The following NTRK3 variants were observed in gnomAD, a reference collection of about 807,000 sequenced individuals.
NTRK3 encodes neurotrophic receptor tyrosine kinase 3.
A neutral mutation model predicts 91.7 loss-of-function variants in NTRK3; 24 were observed. The ratio of observed to expected loss-of-function variants is 0.26; its 90% CI spans 0.19 to 0.37. The LOEUF (loss-of-function observed/expected upper bound fraction) is 0.37. NTRK3 is among the 10% of genes least tolerant of loss of function. NTRK3 has a pLI of 1.00. For synonymous variants in NTRK3, 483 were observed against 404.0 expected, an observed-to-expected ratio of 1.20 and a Z score of -2.34; for missense variants, 880 against 1,068.9, an observed-to-expected ratio of 0.82 and a Z score of 2.46.
intron 5 of NTRK3, among the ~76,000 whole-genome samples, chr15:88,177,028 G>T (rs1473203566): frequency 6.6e-6 from 1 of 152,184 alleles, no homozygotes; most frequent in Non-Finnish European, 1.5e-5. Flanking sequence ...CAGGGTATCT[G>T]TTTGGGTCAG....
chr15:88,116,202 C>T (rs912740721), intron 13 of NTRK3, among the ~76,000 whole-genome samples: 2 of 152,062 alleles, frequency 1.3e-5, no homozygotes, highest in Admixed American at 6.6e-5. Context: ...AGTTTGGTTT[C>T]GAACCAAGGA....
chr15:87,879,875 C>T (rs1445031456), intron 18 of NTRK3, among the ~76,000 whole-genome samples: 4 of 152,164 alleles, frequency 2.6e-5, no homozygotes, highest in Admixed American at 2.0e-4. Context: ...CTGGGCTTGG[C>T]ATACCTAAAA....
chr15:88,129,052 C>T (rs557602270), intron 10 of NTRK3, among the ~76,000 whole-genome samples: 7 of 152,314 alleles, frequency 4.6e-5, no homozygotes. Context: ...GTCTCATTCA[C>T]AGCTCTGCTT....
At chr15:88,092,185 C>T (rs1312985841) in intron 13 of NTRK3, among the ~76,000 whole-genome samples, 1 of 152,166 alleles carries the variant, frequency 6.6e-6, no homozygotes, top group Non-Finnish European at 1.5e-5. Context: ...TGGCAACTCC[C>T]CCAGCAATCA....
chr15:88,203,944 A>G (rs567861752), intron 3 of NTRK3, among the ~76,000 whole-genome samples: 230 of 150,650 alleles, frequency 1.5e-3, no homozygotes, highest in Non-Finnish European at 2.6e-3. Flanking sequence ...TACATATGCC[A>G]TGGTGGTTTG....
rs141586520 is a variant in NTRK3 at position 88,233,792 on chromosome 15, T to TC, written c.248+22113dup. Among the ~76,000 whole-genome samples the TC allele has an allele frequency of 5.3e-3, 796 of 151,116 alleles. 10 individuals are homozygous for TC. Among genetic ancestry groups the TC allele is most frequent in the African/African-American group, 0.018 (730 of 40,866 alleles). Reference sequence around the variant, plus strand: ...CTCCTCCTCCCCTGACATCCAGTGCTCCCCCTCCCTGCCTTGTCCAAGAGA... The same window carrying TC: ...CTCCTCCTCCCCTGACATCCAGTGCTCCCCCCTCCCTGCCTTGTCCAAGAGA... On this transcript the variant is annotated intron_variant, in intron 3 of 18. Transcript: ENST00000394480. This position sits in a 1 kb window ranked among gnomAD's most constrained non-coding sequence, Gnocchi z 4.2.
chr15:88,183,520 G>T (rs747817745), intron 4 of NTRK3, 31 bp from the exon 5 acceptor site: 1 of 1,600,364 alleles, frequency 6.2e-7, no homozygotes, highest in Non-Finnish European at 8.6e-7. Context: ...GATCAGCAGA[G>T]CTCAAGTGGC....
Position 87,886,707 on chromosome 15 carries a change from T to TAC in NTRK3, c.2134-6281_2134-6280dup, listed in dbSNP as rs1199661735. ...ATATATATATATATATATACATATA[T>TAC]ACACACACACACATACACACACACA... On this transcript the variant is annotated intron_variant, in intron 17 of 18. Coordinates refer to ENST00000394480, the Ensembl canonical transcript of NTRK3. Among the ~76,000 whole-genome samples the TAC allele has an allele frequency of 1.5e-3, 216 of 140,192 alleles. 1 individual carries two copies. Among genetic ancestry groups the TAC allele is most frequent in the African/African-American group, 5.4e-3 (201 of 37,568 alleles). 92.0% of individuals were successfully genotyped at this position (140,192 alleles called of 152,430 possible).
chr15:87,931,809 C>A (rs545223636), intron 16 of NTRK3, among the ~76,000 whole-genome samples: 1 of 152,316 alleles, frequency 6.6e-6, no homozygotes, highest in Admixed American at 6.5e-5. Flanking sequence ...ACCACGACAC[C>A]CTATTGAATG....
In NTRK3 at chr15:88,233,207, G is replaced by A. The variant is rs966686816; in HGVS notation, c.248+22699C>T. Among the ~76,000 whole-genome samples, 10 of 152,168 alleles carry A rather than the reference G, an allele frequency of 6.6e-5. No homozygotes were observed. The highest frequency in any genetic ancestry group is 2.6e-4 in the Admixed American group (4 of 15,288). ...TAAGCAAAAAGAAAAAATTAAAACC[G>A]TAGAGCACATTGCCAATAAATAACC... On this transcript the variant is annotated intron_variant, in intron 3 of 18. Coordinates refer to ENST00000394480, the Ensembl canonical transcript of NTRK3. This position sits in a 1 kb window ranked among gnomAD's most constrained non-coding sequence, Gnocchi z 4.2.
At chr15:88,015,254 G>A (rs1017214659) in intron 14 of NTRK3, among the ~76,000 whole-genome samples, 3 of 152,162 alleles carry the variant, frequency 2.0e-5, no homozygotes, top group Non-Finnish European at 4.4e-5. Flanking sequence ...ACAAAGGCCT[G>A]GACTATGTAA....
At chr15:88,198,867 C>G (rs2048054173) in intron 3 of NTRK3, among the ~76,000 whole-genome samples, 1 of 152,150 alleles carries the variant, frequency 6.6e-6, no homozygotes, top group Admixed American at 6.5e-5. Flanking sequence ...AGGAGAGATG[C>G]TGACTGACAC....
chr15:87,921,720 C>A (rs1469613138), intron 17 of NTRK3, among the ~76,000 whole-genome samples: 1 of 152,070 alleles, frequency 6.6e-6, no homozygotes, highest in Non-Finnish European at 1.5e-5. Flanking sequence ...GCGCATGGGG[C>A]CACAACCCCT....
At chr15:88,002,394 G>C (rs1480181643) in intron 14 of NTRK3, among the ~76,000 whole-genome samples, 3 of 152,074 alleles carry the variant, frequency 2.0e-5, no homozygotes, top group South Asian at 4.2e-4. Flanking sequence ...AGGAAATGGT[G>C]AATCTGTGAT....
chr15:87,919,429 A>G (rs913717922), intron 17 of NTRK3, among the ~76,000 whole-genome samples: 1 of 152,150 alleles, frequency 6.6e-6, no homozygotes, highest in Non-Finnish European at 1.5e-5. Flanking sequence ...TGCCCTCTCC[A>G]CGTCATCTTC....
chr15:88,166,979 C>T (rs908768952), intron 5 of NTRK3, among the ~76,000 whole-genome samples: 10 of 152,112 alleles, frequency 6.6e-5, no homozygotes, highest in African/African-American at 1.9e-4. Context: ...TCCCCTCTTC[C>T]TATATAATAC....
intron 3 of NTRK3, among the ~76,000 whole-genome samples, chr15:88,216,539 G>C (rs912998092): frequency 2.6e-5 from 4 of 152,190 alleles, no homozygotes; most frequent in Admixed American, 6.5e-5. Context: ...AATTAGCAGT[G>C]AGACCATCCC....
chr15:88,072,085 A>T (rs1285840404), intron 13 of NTRK3, among the ~76,000 whole-genome samples: 1 of 139,656 alleles, frequency 7.2e-6, no homozygotes, highest in Non-Finnish European at 1.5e-5. Context: ...GGCTCCCTGT[A>T]ACCTCCGCCT....
intron 17 of NTRK3, among the ~76,000 whole-genome samples, chr15:87,891,489 G>A (rs1341624462): frequency 6.6e-6 from 1 of 152,152 alleles, no homozygotes; most frequent in Non-Finnish European, 1.5e-5. Context: ...TCTCTGCTCA[G>A]TCTCCTCACC....
Sources: gnomAD v4.1 joint callset for allele counts (sites outside exome capture counted in the v4.1 genomes callset) on GRCh38, gnomAD v4.1.1 for gene constraint, Gnocchi (gnomAD v3.1) non-coding constraint, MANE v1.5 for transcripts, NCBI Gene and HGNC (gene_info 2026-07-23, HGNC 2026-07-21) for gene names.